DLC1: variants seen among roughly 807,000 people sequenced by gnomAD.
DLC1 encodes rho GTPase-activating protein 7.
Under a neutral mutation model 140.3 loss-of-function variants are expected in DLC1, and 54 were observed. That is an observed-to-expected ratio of 0.38 (90% confidence interval 0.31 to 0.48). The LOEUF is 0.48. Ranked by LOEUF, DLC1 falls within the 20% of genes least tolerant of loss-of-function variation. The pLI is 0.96. For missense variants in DLC1, 2,536 were observed against 1,907.0 expected, an observed-to-expected ratio of 1.33 and a Z score of -6.14; for synonymous variants, 986 against 728.1, an observed-to-expected ratio of 1.35 and a Z score of -5.70.
intron 5 of DLC1, among the ~76,000 whole-genome samples, chr8:13,279,083 A>G (rs2117416426): frequency 6.6e-6 from 1 of 152,348 alleles, no homozygotes; most frequent in Non-Finnish European, 1.5e-5. Flanking sequence ...CTCAGTCGAT[A>G]CTAAGCTATG....
At chr8:13,600,500 T>C (rs1376056718) in intron 1 of DLC1, among the ~76,000 whole-genome samples, 1 of 151,840 alleles carries the variant, frequency 6.6e-6, no homozygotes, top group African/African-American at 2.4e-5. Flanking sequence ...TCAAAGACGT[T>C]TTGCATTTTC....
intron 1 of DLC1, among the ~76,000 whole-genome samples, chr8:13,597,804 C>T (rs1805732554): frequency 6.6e-6 from 1 of 152,074 alleles, no homozygotes; most frequent in African/African-American, 2.4e-5. Context: ...CACAGAAGGA[C>T]TGAGTAACAA....
chr8:13,591,070 A>C (rs1805499389), intron 1 of DLC1, among the ~76,000 whole-genome samples: 1 of 152,160 alleles, frequency 6.6e-6, no homozygotes, highest in Non-Finnish European at 1.5e-5. Flanking sequence ...GATTAGAGAA[A>C]AAGAAACAGG....
intron 1 of DLC1, among the ~76,000 whole-genome samples, chr8:13,538,710 G>A (rs1005559796): frequency 6.6e-6 from 1 of 152,164 alleles, no homozygotes; most frequent in African/African-American, 2.4e-5. Context: ...TGGACTTAAT[G>A]TCATTATGTA....
rs1378696789 is a variant in DLC1, at chr8:13,499,380, A to G, written c.692T>C (p.Ile231Thr). ...GTCAGGTTTCCTTCGTTGCTGAGCAATTACAGCAGAGTTAAGCAATTGTTT... is the reference window on the plus strand; with the variant it reads ...GTCAGGTTTCCTTCGTTGCTGAGCAGTTACAGCAGAGTTAAGCAATTGTTT... ...PEKQLLNSAV[I>T]AQQRRKPDPP... is the part of the protein sequence containing the mutation. The change falls in exon 2 of 18, where the codon ATT (isoleucine) becomes ACT (threonine). Residue 231 changes from isoleucine to threonine, a missense_variant. Ile to Thr is a moderately conservative substitution (Grantham distance 89). Coordinates refer to ENST00000276297, the MANE Select transcript of DLC1 (RefSeq NM_182643.3). 1.2e-6 allele frequency: 2 copies of G among 1,613,940 alleles called. No individual in the cohort carries two copies. The highest frequency in any genetic ancestry group is 1.1e-5 in the South Asian group (1 of 91,054).
intron 1 of DLC1, among the ~76,000 whole-genome samples, chr8:13,597,992 C>T (rs1272554653): frequency 2.0e-5 from 3 of 151,990 alleles, no homozygotes; most frequent in African/African-American, 4.8e-5. Context: ...AAAATAAAAT[C>T]GGTATCAAGA....
At chr8:13,422,027 G>A (rs973391396) in intron 2 of DLC1, among the ~76,000 whole-genome samples, 4 of 152,004 alleles carry the variant, frequency 2.6e-5, no homozygotes, top group African/African-American at 7.2e-5. Context: ...TTCCCATCAT[G>A]AATAGTAATT....
chr8:13,598,845 A>C (rs1424888967), intron 1 of DLC1, among the ~76,000 whole-genome samples: 3 of 151,988 alleles, frequency 2.0e-5, no homozygotes, highest in Non-Finnish European at 4.4e-5. Context: ...AATTCTGAAA[A>C]ATAATTTAAA....
chr8:13,386,195 G>T (rs1257029515), intron 4 of DLC1, among the ~76,000 whole-genome samples: 1 of 152,064 alleles, frequency 6.6e-6, no homozygotes, highest in Non-Finnish European at 1.5e-5. Flanking sequence ...TAAAGTCTTA[G>T]GTTGCAGGAA....
chr8:13,214,132 A>T (rs891689346), intron 5 of DLC1: 1 of 154,454 alleles, frequency 6.5e-6, no homozygotes, highest in African/African-American at 2.4e-5. Flanking sequence ...ACAATATCCC[A>T]GGGCTTCTCT....
intron 2 of DLC1, among the ~76,000 whole-genome samples, chr8:13,450,591 A>G (rs1234892890): frequency 2.0e-5 from 3 of 151,892 alleles, no homozygotes; most frequent in Non-Finnish European, 4.4e-5. Context: ...TTGAAATTGT[A>G]TTCTTTATTT....
At chr8:13,582,009 G>T (rs540830426) in intron 1 of DLC1, among the ~76,000 whole-genome samples, 1 of 152,094 alleles carries the variant, frequency 6.6e-6, no homozygotes, top group Non-Finnish European at 1.5e-5. Flanking sequence ...GGATGGATAC[G>T]CAAAGTTCTA....
intron 4 of DLC1, among the ~76,000 whole-genome samples, chr8:13,380,396 T>C (rs142412933): frequency 2.9e-4 from 44 of 152,370 alleles, no homozygotes; most frequent in Non-Finnish European, 6.0e-4. Flanking sequence ...TCTGACCATT[T>C]CATGTGTTCT....
At chr8:13,358,699 A>C (rs1835063103) in intron 4 of DLC1, among the ~76,000 whole-genome samples, 1 of 151,950 alleles carries the variant, frequency 6.6e-6, no homozygotes, top group African/African-American at 2.4e-5. Flanking sequence ...GCCAAAAAAA[A>C]ATGCTAACAA....
intron 5 of DLC1, among the ~76,000 whole-genome samples, chr8:13,170,186 A>C (rs1825366391): frequency 6.6e-6 from 1 of 152,342 alleles, no homozygotes; most frequent in African/African-American, 2.4e-5. Context: ...GCTGATGTAT[A>C]CTAAAATTCT....
chr8:13,440,517 A>T (rs984697147), intron 2 of DLC1, among the ~76,000 whole-genome samples: 3 of 152,116 alleles, frequency 2.0e-5, no homozygotes, highest in African/African-American at 7.2e-5. Flanking sequence ...TTTGGTAAAG[A>T]TATGAAGATA....
chr8:13,165,413 G>A (rs912327276), intron 5 of DLC1, among the ~76,000 whole-genome samples: 2 of 152,186 alleles, frequency 1.3e-5, no homozygotes, highest in African/African-American at 2.4e-5. Context: ...TAAATGACAC[G>A]TGGACTGAGC....
At chr8:13,411,417 A>G (rs1436220689) in intron 2 of DLC1, among the ~76,000 whole-genome samples, 1 of 152,222 alleles carries the variant, frequency 6.6e-6, no homozygotes, top group Non-Finnish European at 1.5e-5. Context: ...TCCAGACCAT[A>G]GAGGAGTTTT....
chr8:13,144,220 T>C (rs1026659804), intron 5 of DLC1, among the ~76,000 whole-genome samples: 2 of 152,160 alleles, frequency 1.3e-5, no homozygotes, highest in African/African-American at 4.8e-5. Context: ...TCTTCTGGGG[T>C]TGGGTCACCA....
Sources: gnomAD v4.1 joint callset for allele counts (sites outside exome capture counted in the v4.1 genomes callset) on GRCh38, gnomAD v4.1.1 for gene constraint, MANE v1.5 for transcripts, NCBI Gene and HGNC (gene_info 2026-07-23, HGNC 2026-07-21) for gene names.